PDE4C: variants seen among roughly 807,000 people sequenced by gnomAD.
PDE4C encodes the protein 3',5'-cyclic-AMP phosphodiesterase 4C.
PDE4C carries 50 observed loss-of-function variants against 63.9 expected under a neutral mutation model. The ratio of observed to expected loss-of-function variants is 0.78; its 90% CI spans 0.62 to 0.99. PDE4C has a LOEUF of 0.99. Among genes scored for constraint, PDE4C ranks in the 50% least tolerant of loss-of-function variants. The pLI is 0.00. For missense variants in PDE4C, 777 were observed against 899.1 expected, an observed-to-expected ratio of 0.86 and a Z score of 1.74; for synonymous variants, 377 against 385.1, an observed-to-expected ratio of 0.98 and a Z score of 0.25.
intron 12 of PDE4C, among the ~76,000 whole-genome samples, chr19:18,214,223 T>A (rs900875342): frequency 6.7e-6 from 1 of 148,764 alleles, no homozygotes; most frequent in Non-Finnish European, 1.5e-5. Context: ...CTGCAACAGA[T>A]CTGGGCGACA....
chr19:18,218,251 G>A lies in PDE4C; in HGVS notation c.1135-3C>T. On this transcript the variant is annotated splice_polypyrimidine_tract_variant and splice_region_variant and intron_variant, in intron 10 of 14. Coordinates refer to ENST00000262805, the Ensembl canonical transcript of PDE4C. ...ATTTCCAAGTCTGTGAACACAGCCT[G>A]AGCAGGCAGAGGGCACAGGCGGTGA... The A allele has an allele frequency of 6.2e-7, 1 of 1,614,202 alleles. No homozygotes were observed. The highest frequency in any genetic ancestry group is 8.5e-7 in the Non-Finnish European group (1 of 1,179,994).
At chr19:18,224,231 T>C (rs970318807) in intron 1 of PDE4C, 41 of 985,240 alleles carry the variant, frequency 4.2e-5, no homozygotes, top group Non-Finnish European at 4.7e-5. Flanking sequence ...GAGAAGGCGG[T>C]GACCTGGGGG....
chr19:18,240,466 G>A (rs975414889), intron 1 of PDE4C, among the ~76,000 whole-genome samples: 2 of 149,752 alleles, frequency 1.3e-5, no homozygotes, highest in African/African-American at 4.9e-5. Context: ...GGTGGCTCAT[G>A]CCTATAATCC....
Position 18,220,810 on chromosome 19 carries a change from G to T in PDE4C, c.499+64C>A. On this transcript the variant is annotated intron_variant, in intron 5 of 14. Coordinates refer to ENST00000262805, the Ensembl canonical transcript of PDE4C. This position sits in a 1 kb window ranked among gnomAD's most constrained non-coding sequence, Gnocchi z 5.1. The stretch of plus-strand genomic sequence containing the variant: ...GTATAAGGGGCTCATGGACTGGGGA[G>T]GTCACTATGGAAAGGAAGCTCCCAG... 1 of 1,488,508 alleles carries T rather than the reference G, an allele frequency of 6.7e-7. No homozygotes were observed. The highest frequency in any genetic ancestry group is 9.3e-7 in the Non-Finnish European group (1 of 1,078,842). The allele number at this position is 1,488,508 out of a possible 1,614,324, so 92.2% of individuals were successfully genotyped here.
exon 14 of PDE4C, chr19:18,211,923 G>A: frequency 6.2e-7 from 1 of 1,614,140 alleles, no homozygotes; most frequent in Non-Finnish European, 8.5e-7. Flanking sequence ...TCAGCACAGT[G>A]CACCAGGTTC....
intron 12 of PDE4C, among the ~76,000 whole-genome samples, chr19:18,215,396 C>G (rs928485039): frequency 1.3e-5 from 2 of 151,648 alleles, no homozygotes; most frequent in African/African-American, 4.9e-5. Context: ...TGTCTTTGCA[C>G]AGATCAAGCA....
At chr19:18,226,605 C>CTTTT (rs34009293), upstream of PDE4C, 47 of 204,084 alleles carry the variant, frequency 2.3e-4, no homozygotes, top group South Asian at 2.9e-4. Context: ...CTCTCTGCTC[C>CTTTT]TTTTTTTTTT....
intron 1 of PDE4C, among the ~76,000 whole-genome samples, chr19:18,242,979 G>A (rs1209306978): frequency 2.0e-5 from 3 of 152,148 alleles, no homozygotes; most frequent in African/African-American, 7.2e-5. Flanking sequence ...CTGGGGCAGA[G>A]GCTAGAGCAG....
chr19:18,208,829 G>C (rs1418226661), downstream of PDE4C: 1 of 152,090 alleles, frequency 6.6e-6, no homozygotes, highest in Non-Finnish European at 1.5e-5. Context: ...TGGCAAGAAA[G>C]CCTCAGGGGC....
the PDE4C span, among the ~76,000 whole-genome samples, chr19:18,254,183 G>GT: frequency 2.6e-5 from 4 of 152,222 alleles, no homozygotes; most frequent in Admixed American, 2.6e-4. Context: ...CTGGCCTGAG[G>GT]TGACTGGGGA....
At chr19:18,254,136 G>A in the PDE4C span, among the ~76,000 whole-genome samples, 1 of 152,182 alleles carries the variant, frequency 6.6e-6, no homozygotes, top group Non-Finnish European at 1.5e-5. Context: ...ATCCCCATTT[G>A]ACAGATGAGA....
upstream of PDE4C, among the ~76,000 whole-genome samples, chr19:18,231,369 C>G (rs1304440965): frequency 6.6e-6 from 1 of 152,228 alleles, no homozygotes; most frequent in Non-Finnish European, 1.5e-5. Flanking sequence ...GAGCTCATAC[C>G]AAGGCTCTGT....
chr19:18,244,232 T>A (rs57605715), intron 1 of PDE4C, among the ~76,000 whole-genome samples: 16,216 of 151,844 alleles, frequency 0.11, 1,118 homozygotes, highest in East Asian at 0.37. Flanking sequence ...GAGGGCCTGA[T>A]GGGAGGCTCC....
At chr19:18,247,768 G>A (rs578173436) in intron 1 of PDE4C, among the ~76,000 whole-genome samples, 1 of 152,254 alleles carries the variant, frequency 6.6e-6, no homozygotes, top group South Asian at 2.1e-4. Context: ...AGACCACTGG[G>A]AGCCCAGGTA....
At chr19:18,251,602 T>C (rs1969229783), upstream of PDE4C, among the ~76,000 whole-genome samples, 1 of 150,988 alleles carries the variant, frequency 6.6e-6, no homozygotes, top group Non-Finnish European at 1.5e-5. Flanking sequence ...GCCTGGCTAA[T>C]TTTTGTAGTT....
exon 4 of PDE4C, chr19:18,221,146 G>T: frequency 6.4e-7 from 1 of 1,551,256 alleles, no homozygotes; most frequent in Non-Finnish European, 8.7e-7. Flanking sequence ...GGGCCGCCAC[G>T]TTGCTCCGAA....
chr19:18,232,985 C>G (rs748533036), exon 1 of PDE4C: 2 of 1,498,688 alleles, frequency 1.3e-6, no homozygotes, highest in African/African-American at 1.4e-5. Context: ...AGAGCCGCGA[C>G]TTCCTGAGCT....
intron 1 of PDE4C, 136 bp from the exon 2 acceptor site, chr19:18,222,459 C>T: frequency 1.4e-6 from 1 of 709,760 alleles, no homozygotes; most frequent in Non-Finnish European, 2.3e-6. Flanking sequence ...GTTCACCTGC[C>T]CCCAGCTACA....
At chr19:18,226,299 C>G in exon 1 of PDE4C, 1 of 1,570,522 alleles carries the variant, frequency 6.4e-7, no homozygotes, top group Non-Finnish European at 8.6e-7. Flanking sequence ...TGAAGCGCCG[C>G]TGCAGGCGGA....
Sources: gnomAD v4.1 joint callset for allele counts (sites outside exome capture counted in the v4.1 genomes callset) on GRCh38, gnomAD v4.1.1 for gene constraint, Gnocchi (gnomAD v3.1) non-coding constraint, MANE v1.5 for transcripts, NCBI Gene and HGNC (gene_info 2026-07-23, HGNC 2026-07-21) for gene names.